Variants in SPTA1 observed in about 807,000 individuals in gnomAD.
SPTA1 encodes spectrin alpha, erythrocytic 1, also known as spectrin alpha chain, erythrocytic 1.
Under a neutral mutation model 324.7 loss-of-function variants are expected in SPTA1, and 177 were observed. That is an observed-to-expected ratio of 0.55 (90% CI 0.48 to 0.62). The LOEUF (loss-of-function observed/expected upper bound fraction) is 0.62. SPTA1 is among the 20% of genes least tolerant of loss of function. The pLI is 0.00. For synonymous variants in SPTA1, 1,195 were observed against 1,041.3 expected (o/e 1.15, Z -2.84); for missense variants, 3,162 against 2,883.6 (o/e 1.10, Z -2.21).
At chr1:158,658,506 T>C (rs533519397) in intron 18 of SPTA1, among the ~76,000 whole-genome samples, 1 of 152,238 alleles carries the variant, frequency 6.6e-6, no homozygotes, top group South Asian at 2.1e-4. Context: ...ATTCCACCCA[T>C]CAAAGTGGAA....
intron 39 of SPTA1, among the ~76,000 whole-genome samples, chr1:158,628,928 C>G (rs1243459080): frequency 6.6e-6 from 1 of 151,938 alleles, no homozygotes; most frequent in African/African-American, 2.4e-5. Flanking sequence ...GAGACTGAAT[C>G]AGAAATAAAC....
At chr1:158,671,940 A>T in intron 11 of SPTA1, 119 bp downstream of exon 11, 1 of 1,301,126 alleles carries the variant, frequency 7.7e-7, no homozygotes, top group Non-Finnish European at 1.1e-6. Flanking sequence ...ATCACCCTTT[A>T]GTTCCCAAGA....
Position 158,622,637 on chromosome 1 carries a change from C to G in SPTA1, c.6120+346G>C, listed in dbSNP as rs1230414992. ...TTTTATGACAACTTGTCCAGTGCTCCTTTTATTTGGGTTAGGAAAAGTACA... is the reference window on the plus strand; with the variant it reads ...TTTTATGACAACTTGTCCAGTGCTCGTTTTATTTGGGTTAGGAAAAGTACA... On this transcript the variant is annotated intron_variant, in intron 43 of 51. Transcript: ENST00000643759. 22 of 290,534 alleles carry G rather than the reference C, an allele frequency of 7.6e-5. 1 individual carries two copies. The highest frequency in any genetic ancestry group is 3.5e-5 in the South Asian group (1 of 28,956). The allele number at this position is 290,534 out of a possible 1,614,324, so 18.0% of individuals were successfully genotyped here. A position where few individuals can be genotyped will look rare whatever the true frequency, so the allele number is the denominator to read the frequency against.
In SPTA1 at chr1:158,654,872, G is replaced by A. The variant is rs892154650; in HGVS notation, c.2899-124C>T. ...AGAGCCTCTGGCTGGAACCTCTTAC[G>A]TGGCTGCAGAGATTAAAGTATGTGG... On this transcript the variant is annotated intron_variant, in intron 20 of 51. Transcript: ENST00000643759. 3.4e-5 allele frequency: 44 copies of A among 1,302,586 alleles called. No individual in the cohort carries two copies. The Admixed American group carries it at 5.1e-4, about 15-fold the overall frequency. The allele number at this position is 1,302,586 out of a possible 1,614,324, so 80.7% of individuals were successfully genotyped here. A position where few individuals can be genotyped will look rare whatever the true frequency, so the allele number is the denominator to read the frequency against.
intron 7 of SPTA1, among the ~76,000 whole-genome samples, chr1:158,676,584 C>A (rs1654407920): frequency 6.6e-6 from 1 of 152,046 alleles, no homozygotes; most frequent in Non-Finnish European, 1.5e-5. Context: ...TATGCGAAAA[C>A]TGAGAGATTA....
rs948099058 is a variant in SPTA1, at chr1:158,643,234, G to C, written c.4442+88C>G. On this transcript the variant is annotated intron_variant, in intron 31 of 51. Transcript: ENST00000643759. Reference sequence around the variant, plus strand: ...TTTAGTCACCTAGAAATGACAGGAAGCCAGAGTATTCCCCCATCTCAATGC... The same window carrying C: ...TTTAGTCACCTAGAAATGACAGGAACCCAGAGTATTCCCCCATCTCAATGC... 1.8e-5 allele frequency: 26 copies of C among 1,458,124 alleles called. No individual in the cohort carries two copies. In the African/African-American group the frequency reaches 3.3e-4, roughly 19 times the overall value. The allele number at this position is 1,458,124 out of a possible 1,614,324, so 90.3% of individuals were successfully genotyped here.
chr1:158,650,388 C>G (rs1652335841), intron 24 of SPTA1, among the ~76,000 whole-genome samples: 1 of 152,196 alleles, frequency 6.6e-6, no homozygotes, highest in Non-Finnish European at 1.5e-5. Flanking sequence ...TCTTCACCTT[C>G]TTATCCCATA....
Position 158,640,008 on chromosome 1 carries a change from C to T in SPTA1, c.4738-1G>A, listed in dbSNP as rs1266923431. On this transcript the variant is annotated splice_acceptor_variant, in intron 33 of 51. Transcript: ENST00000643759. LOFTEE classifies it high-confidence loss of function. ...GTTCCTTCAGCTGTTCCAGTTGCTC[C>T]TAACCCAAGGAGAGTGAGGAGTCAT... 1.2e-6 allele frequency: 2 copies of T among 1,613,738 alleles called. No individual in the cohort carries two copies. The highest frequency in any genetic ancestry group is 1.7e-6 in the Non-Finnish European group (2 of 1,179,816).
chr1:158,672,040 T>C lies in SPTA1; in HGVS notation c.1488+19A>G. On this transcript the variant is annotated intron_variant, in intron 11 of 51. Coordinates refer to ENST00000643759, the MANE Select transcript of SPTA1 (RefSeq NM_003126.4). Reference sequence around the variant, plus strand: ...TGAGAGAAATTACTTCTAGAGATGGTATGGACCCCTCCCGTTACCTCTTGT... The same window carrying C: ...TGAGAGAAATTACTTCTAGAGATGGCATGGACCCCTCCCGTTACCTCTTGT... 1.9e-6 allele frequency: 3 copies of C among 1,613,640 alleles called. No homozygotes were observed. Among genetic ancestry groups the C allele is most frequent in the Non-Finnish European group, 2.5e-6 (3 of 1,179,830 alleles).
intron 36 of SPTA1, among the ~76,000 whole-genome samples, chr1:158,637,803 T>C (rs1651197204): frequency 1.3e-5 from 2 of 152,236 alleles, no homozygotes; most frequent in South Asian, 4.1e-4. Context: ...GTTCCTGTCA[T>C]GTATGTTAAC....
At chr1:158,666,274 T>C in intron 16 of SPTA1, 42 bp downstream of exon 16, 1 of 1,607,988 alleles carries the variant, frequency 6.2e-7, no homozygotes. Flanking sequence ...TCAGAGCATA[T>C]ACACCCATTG....
At position 158,642,986 on chromosome 1, in the gene SPTA1, G is replaced by A. The variant is rs191940460; in HGVS notation, c.4443-10C>T. The A allele has an allele frequency of 3.3e-5, 54 of 1,613,288 alleles. No homozygotes were observed. Among genetic ancestry groups the A allele is most frequent in the African/African-American group, 9.3e-5 (7 of 74,958 alleles). On this transcript the variant is annotated splice_polypyrimidine_tract_variant and intron_variant, in intron 31 of 51. Transcript: ENST00000643759. ...TTTGAGAGCCTTCCACCTAGAGGAC[G>A]GAGCCAAATCACTCTATGCCCTCCT...
chr1:158,634,259 G>A (rs1044238232), intron 39 of SPTA1, among the ~76,000 whole-genome samples: 4 of 152,166 alleles, frequency 2.6e-5, no homozygotes, highest in Non-Finnish European at 4.4e-5. Context: ...TAACTTGTAA[G>A]GAAAGGTCTT....
chr1:158,652,288 C>T (rs1345553747), intron 23 of SPTA1, among the ~76,000 whole-genome samples, 179 bp downstream of exon 23: 2 of 152,172 alleles, frequency 1.3e-5, no homozygotes, highest in African/African-American at 4.8e-5. Flanking sequence ...GTTTTCTCTG[C>T]ATTTCCCTTC....
At chr1:158,613,015 C>T in intron 50 of SPTA1, 54 bp from the exon 51 acceptor site, 1 of 1,590,432 alleles carries the variant, frequency 6.3e-7, no homozygotes, top group East Asian at 2.2e-5. Context: ...GAAGGAAGTC[C>T]CCTTTTTAAT....
chr1:158,615,969 C>G (rs140089914), intron 47 of SPTA1, among the ~76,000 whole-genome samples: 15 of 152,250 alleles, frequency 9.9e-5, no homozygotes, highest in South Asian at 6.2e-4. Flanking sequence ...CTGCATCTTG[C>G]CCATGCTTTC....
chr1:158,639,520 A>G, intron 35 of SPTA1, 62 bp downstream of exon 35: 2 of 1,531,396 alleles, frequency 1.3e-6, no homozygotes, highest in South Asian at 1.1e-5. Context: ...CTAACATGGG[A>G]GGGAGAAGAG....
intron 26 of SPTA1, among the ~76,000 whole-genome samples, 188 bp downstream of exon 26, chr1:158,648,321 T>A (rs1021939541): frequency 6.6e-6 from 1 of 152,156 alleles, no homozygotes; most frequent in Admixed American, 6.5e-5. Flanking sequence ...TTTCCCCATG[T>A]TAATGGTCAT....
chr1:158,672,851 C>T (rs960515502), intron 10 of SPTA1, among the ~76,000 whole-genome samples: 2 of 151,818 alleles, frequency 1.3e-5, no homozygotes, highest in African/African-American at 4.8e-5. Flanking sequence ...AATGCCAGCA[C>T]TTTGGGAGGC....
Sources: allele counts gnomAD v4.1 joint callset (sites outside exome capture counted in the v4.1 genomes callset), GRCh38; gene constraint gnomAD v4.1.1; transcripts MANE v1.5; gene names NCBI Gene and HGNC (gene_info 2026-07-23, HGNC 2026-07-21).